The following CNTNAP5 variants were observed in gnomAD, a reference collection of about 807,000 sequenced individuals.
CNTNAP5 encodes contactin associated protein family member 5.
Under a neutral mutation model 150.2 loss-of-function variants are expected in CNTNAP5, and 72 were observed. The observed-to-expected ratio is 0.48, with a 90% CI of 0.40 to 0.58. CNTNAP5 has a LOEUF of 0.58. Ranked by LOEUF, CNTNAP5 falls within the 20% of genes least tolerant of loss-of-function variation. The pLI, the probability that CNTNAP5 is intolerant of heterozygous loss-of-function variation, is 0.00. For synonymous variants in CNTNAP5, 672 were observed against 619.8 expected, an observed-to-expected ratio of 1.08 and a Z score of -1.25; for missense variants, 1,636 against 1,626.2, an observed-to-expected ratio of 1.01 and a Z score of -0.10.
intron 1 of CNTNAP5, among the ~76,000 whole-genome samples, chr2:124,170,629 G>A (rs1211126470): frequency 6.6e-6 from 1 of 152,182 alleles, no homozygotes; most frequent in African/African-American, 2.4e-5. Context: ...GGTGCATTTG[G>A]GTAAGTGTGA....
chr2:124,073,561 A>C (rs1174284274), intron 1 of CNTNAP5, among the ~76,000 whole-genome samples: 1 of 152,096 alleles, frequency 6.6e-6, no homozygotes. Context: ...TAAGACATAA[A>C]AATAGCAAAC....
chr2:124,178,299 A>C (rs1685118539), intron 1 of CNTNAP5, among the ~76,000 whole-genome samples: 1 of 152,154 alleles, frequency 6.6e-6, no homozygotes, highest in Non-Finnish European at 1.5e-5. Flanking sequence ...TCATTTACCC[A>C]GGCATCCGCT....
intron 3 of CNTNAP5, among the ~76,000 whole-genome samples, chr2:124,358,309 T>A (rs1690082036): frequency 6.6e-6 from 1 of 152,106 alleles, no homozygotes; most frequent in African/African-American, 2.4e-5. Flanking sequence ...TTCTCCTGCC[T>A]AATTGCCCTG....
At chr2:124,642,052 A>G (rs894778349) in intron 12 of CNTNAP5, among the ~76,000 whole-genome samples, 4 of 152,152 alleles carry the variant, frequency 2.6e-5, no homozygotes, top group Non-Finnish European at 5.9e-5. Flanking sequence ...TATGAAAGAA[A>G]ATTAAATTGT....
intron 13 of CNTNAP5, among the ~76,000 whole-genome samples, chr2:124,707,912 T>C (rs913574357): frequency 1.3e-5 from 2 of 152,166 alleles, no homozygotes; most frequent in Non-Finnish European, 2.9e-5. Flanking sequence ...AATAACTTCA[T>C]ATATACAAGC....
intron 3 of CNTNAP5, among the ~76,000 whole-genome samples, chr2:124,364,537 T>A (rs1690314540): frequency 6.6e-6 from 1 of 152,310 alleles, no homozygotes; most frequent in Non-Finnish European, 1.5e-5. Flanking sequence ...AGGGCATAAA[T>A]CTTTTCCCAA....
At chr2:124,611,193 T>A (rs1677377162) in intron 12 of CNTNAP5, among the ~76,000 whole-genome samples, 1 of 152,196 alleles carries the variant, frequency 6.6e-6, no homozygotes, top group Non-Finnish European at 1.5e-5. Context: ...GCAGACACTG[T>A]TTTAGATACA....
chr2:124,914,393 C>A lies in CNTNAP5; in HGVS notation c.*105C>A. 1.2e-6 allele frequency: 1 copy of A among 851,134 alleles called. No individual in the cohort carries two copies. Among genetic ancestry groups the A allele is most frequent in the Non-Finnish European group, 1.8e-6 (1 of 544,450 alleles). The allele number at this position is 851,134 out of a possible 1,614,324, so 52.7% of individuals were successfully genotyped here. A position where few individuals can be genotyped will look rare whatever the true frequency, so the allele number is the denominator to read the frequency against. On this transcript the variant is annotated 3_prime_UTR_variant, in exon 24 of 24. Transcript: ENST00000682447. Reference sequence around the variant, plus strand: ...GGTCATTCTCTTTATTTTCTGCTTGCCATGTCTTTTCTGGAACATACTTGC... The same window carrying A: ...GGTCATTCTCTTTATTTTCTGCTTGACATGTCTTTTCTGGAACATACTTGC...
At chr2:124,383,767 G>A (rs988182154) in intron 3 of CNTNAP5, among the ~76,000 whole-genome samples, 1 of 152,096 alleles carries the variant, frequency 6.6e-6, no homozygotes, top group African/African-American at 2.4e-5. Flanking sequence ...TCGGGTTACA[G>A]CAAAAGTGTA....
At chr2:124,039,551 GAGT>G (rs1273871256) in intron 1 of CNTNAP5, among the ~76,000 whole-genome samples, 1 of 152,152 alleles carries the variant, frequency 6.6e-6, no homozygotes, top group East Asian at 1.9e-4. Context: ...TAAGTAATGT[GAGT>G]AGAAGTGATG....
In CNTNAP5 at chr2:124,150,136, C is replaced by T. The variant is rs185117538; in HGVS notation, c.83-71569C>T. On this transcript the variant is annotated intron_variant, in intron 1 of 23. Coordinates refer to ENST00000682447, the MANE Select transcript of CNTNAP5 (RefSeq NM_001367498.1). ...ATCAGAATTTTTTTTTCTACAAGAGCGTGTGGATTTATTTCCGATTAAAAA... is the reference window on the plus strand; with the variant it reads ...ATCAGAATTTTTTTTTCTACAAGAGTGTGTGGATTTATTTCCGATTAAAAA... 4.8e-3 allele frequency among the ~76,000 whole-genome samples: 733 copies of T among 152,102 alleles called. 3 individuals are homozygous for T. Among genetic ancestry groups the T allele is most frequent in the Non-Finnish European group, 7.2e-3 (487 of 67,992 alleles).
intron 8 of CNTNAP5, among the ~76,000 whole-genome samples, chr2:124,521,714 G>A (rs890580628): frequency 3.9e-5 from 6 of 152,152 alleles, no homozygotes; most frequent in African/African-American, 7.2e-5. Context: ...TTCCAGTCTA[G>A]AGTTTACCTG....
At chr2:124,794,611 C>T (rs554296944) in intron 18 of CNTNAP5, among the ~76,000 whole-genome samples, 7 of 152,218 alleles carry the variant, frequency 4.6e-5, no homozygotes. Context: ...TCATTTAATA[C>T]TTATATTCAT....
intron 1 of CNTNAP5, among the ~76,000 whole-genome samples, chr2:124,039,187 G>T (rs1454445621): frequency 6.6e-6 from 1 of 152,148 alleles, no homozygotes; most frequent in East Asian, 1.9e-4. Flanking sequence ...ATAGCTGTTT[G>T]TATTTTAAAT....
intron 1 of CNTNAP5, among the ~76,000 whole-genome samples, chr2:124,199,694 C>CA (rs1262297913): frequency 6.6e-6 from 1 of 152,222 alleles, no homozygotes; most frequent in African/African-American, 2.4e-5. Flanking sequence ...GGATTACAGG[C>CA]ATGAGCCACC....
At chr2:124,281,278 G>A (rs1688007008) in intron 3 of CNTNAP5, among the ~76,000 whole-genome samples, 1 of 151,976 alleles carries the variant, frequency 6.6e-6, no homozygotes, top group South Asian at 2.1e-4. Flanking sequence ...AGAGAAAATT[G>A]GTATGAAGAT....
At chr2:124,263,158 T>C (rs1351190900) in intron 3 of CNTNAP5, among the ~76,000 whole-genome samples, 1 of 152,198 alleles carries the variant, frequency 6.6e-6, no homozygotes, top group Non-Finnish European at 1.5e-5. Context: ...CCTTTGGGTA[T>C]ATACCCAGTA....
chr2:124,237,283 T>C (rs1177483953), intron 2 of CNTNAP5, among the ~76,000 whole-genome samples: 2 of 152,194 alleles, frequency 1.3e-5, no homozygotes, highest in African/African-American at 4.8e-5. Context: ...GAGACTAGTA[T>C]ATAATCCATT....
At chr2:124,375,423 C>T (rs909208069) in intron 3 of CNTNAP5, among the ~76,000 whole-genome samples, 12 of 152,014 alleles carry the variant, frequency 7.9e-5, no homozygotes, top group African/African-American at 2.4e-4. Flanking sequence ...GAATGTATAA[C>T]TTCAATCTAA....
Sources: gnomAD v4.1 joint callset for allele counts (sites outside exome capture counted in the v4.1 genomes callset) on GRCh38, gnomAD v4.1.1 for gene constraint, MANE v1.5 for transcripts, NCBI Gene and HGNC (gene_info 2026-07-23, HGNC 2026-07-21) for gene names.